Variants in CCDC83 observed in about 807,000 individuals in gnomAD.
CCDC83 encodes coiled-coil domain containing 83.
CCDC83 carries 54 observed loss-of-function variants against 50.1 expected under a neutral mutation model. The ratio of observed to expected loss-of-function variants is 1.08; its 90% confidence interval spans 0.87 to 1.35. The LOEUF is 1.35. CCDC83 is among the 40% of genes most tolerant of loss of function. The pLI is 0.00. For synonymous variants in CCDC83, 161 were observed against 153.3 expected, an observed-to-expected ratio of 1.05 and a Z score of -0.37; for missense variants, 518 against 473.9, an observed-to-expected ratio of 1.09 and a Z score of -0.86.
intron 1 of CCDC83, among the ~76,000 whole-genome samples, chr11:85,861,586 C>A (rs1216424945): frequency 6.6e-6 from 1 of 152,160 alleles, no homozygotes; most frequent in Non-Finnish European, 1.5e-5. Flanking sequence ...AGCTATCAAA[C>A]CTCAAACTCC....
intron 10 of CCDC83, among the ~76,000 whole-genome samples, chr11:85,917,220 A>AAG (rs1342238166): frequency 6.9e-6 from 1 of 145,720 alleles, no homozygotes; most frequent in South Asian, 2.2e-4. Flanking sequence ...GAAAGAAAGA[A>AAG]AGAAAGAAAG....
chr11:85,877,058 C>T (rs2093273401), intron 3 of CCDC83, among the ~76,000 whole-genome samples: 1 of 152,168 alleles, frequency 6.6e-6, no homozygotes, highest in African/African-American at 2.4e-5. Context: ...ATTTTTGAGA[C>T]ATTGAATTCT....
chr11:85,872,178 C>A (rs1303853830), intron 2 of CCDC83, among the ~76,000 whole-genome samples: 4 of 152,090 alleles, frequency 2.6e-5, no homozygotes, highest in Non-Finnish European at 5.9e-5. Context: ...GTCTGGAACT[C>A]CTGTCCTCAA....
chr11:85,908,660 C>T (rs2093437562), intron 7 of CCDC83, among the ~76,000 whole-genome samples: 2 of 151,620 alleles, frequency 1.3e-5, no homozygotes, highest in African/African-American at 4.8e-5. Flanking sequence ...CCCAGCACTT[C>T]GGGAGGCCGA....
chr11:85,894,395 A>G (rs1191511737), intron 5 of CCDC83, among the ~76,000 whole-genome samples: 2 of 152,222 alleles, frequency 1.3e-5, no homozygotes, highest in Non-Finnish European at 2.9e-5. Context: ...ATGGGAACAT[A>G]TAACACAGAA....
At chr11:85,896,371 A>ACT (rs1361691665) in intron 6 of CCDC83, among the ~76,000 whole-genome samples, 1 of 138,494 alleles carries the variant, frequency 7.2e-6, no homozygotes, top group African/African-American at 2.7e-5. Context: ...ACTGCACTCC[A>ACT]GCATGGGCAA....
intron 2 of CCDC83, among the ~76,000 whole-genome samples, chr11:85,869,130 A>G (rs957363299): frequency 3.9e-5 from 6 of 152,254 alleles, no homozygotes; most frequent in Non-Finnish European, 7.3e-5. Flanking sequence ...GCCCACCAAT[A>G]AACAAGCTCT....
chr11:85,917,399 A>G (rs2093487472), intron 10 of CCDC83, among the ~76,000 whole-genome samples: 1 of 152,190 alleles, frequency 6.6e-6, no homozygotes, highest in South Asian at 2.1e-4. Flanking sequence ...GTTCCATCCA[A>G]GGGGAAGGAA....
intron 5 of CCDC83, 111 bp downstream of exon 5, chr11:85,886,478 A>G: frequency 1.2e-6 from 1 of 815,116 alleles, no homozygotes; most frequent in Non-Finnish European, 1.8e-6. Context: ...CTCTGCTGTC[A>G]GCACAAGCAG....
At chr11:85,867,885 GA>G (rs2093216576) in intron 2 of CCDC83, among the ~76,000 whole-genome samples, 1 of 152,138 alleles carries the variant, frequency 6.6e-6, no homozygotes, top group Non-Finnish European at 1.5e-5. Flanking sequence ...TCATGGACTG[GA>G]ACAGCCAAGG....
chr11:85,908,551 TTAGA>T (rs58433339), intron 7 of CCDC83, among the ~76,000 whole-genome samples: 39,428 of 137,248 alleles, frequency 0.29, 5,765 homozygotes, highest in Middle Eastern at 0.34. Context: ...GACTAGATGA[TTAGA>T]TAGATAGATA....
At chr11:85,910,662 G>C (rs1440126873) in intron 7 of CCDC83, among the ~76,000 whole-genome samples, 1 of 152,180 alleles carries the variant, frequency 6.6e-6, no homozygotes, top group East Asian at 1.9e-4. Context: ...TTATACCTAA[G>C]TTCAGCAGTG....
chr11:85,872,577 T>C (rs1474847056), intron 2 of CCDC83, among the ~76,000 whole-genome samples: 2 of 152,154 alleles, frequency 1.3e-5, no homozygotes, highest in Admixed American at 6.5e-5. Context: ...CCACCATGCC[T>C]GGCACATGTT....
intron 7 of CCDC83, among the ~76,000 whole-genome samples, chr11:85,909,617 T>A (rs2093443621): frequency 1.8e-5 from 2 of 113,822 alleles, no homozygotes; most frequent in African/African-American, 7.3e-5. Context: ...CACTTTTTTT[T>A]TTTTTTTTTT....
chr11:85,865,521 C>G (rs1316950635), intron 2 of CCDC83, among the ~76,000 whole-genome samples: 1 of 152,182 alleles, frequency 6.6e-6, no homozygotes, highest in Non-Finnish European at 1.5e-5. Context: ...ATTGGTTACT[C>G]TCACCTATGT....
chr11:85,869,798 T>G (rs770907702), intron 2 of CCDC83, among the ~76,000 whole-genome samples: 2 of 152,226 alleles, frequency 1.3e-5, no homozygotes, highest in East Asian at 1.9e-4. Flanking sequence ...GTCCCCATAA[T>G]AGTGTTGAGT....
At chr11:85,888,315 ATTT>A (rs2093336477) in intron 5 of CCDC83, among the ~76,000 whole-genome samples, 1 of 152,118 alleles carries the variant, frequency 6.6e-6, no homozygotes, top group African/African-American at 2.4e-5. Flanking sequence ...TGGTATCCAA[ATTT>A]TTGTTCTTTG....
chr11:85,898,375 T>C (rs767367882), intron 6 of CCDC83, among the ~76,000 whole-genome samples: 16 of 152,210 alleles, frequency 1.1e-4, no homozygotes, highest in Non-Finnish European at 1.9e-4. Flanking sequence ...TCAATATCTA[T>C]GTAATTGAAA....
intron 6 of CCDC83, among the ~76,000 whole-genome samples, chr11:85,898,686 G>A (rs1414825216): frequency 7.2e-5 from 11 of 152,142 alleles, no homozygotes; most frequent in East Asian, 1.9e-4. Context: ...AGTCAGATTC[G>A]GTCACAATGG....
Sources: gnomAD v4.1 joint callset for allele counts (sites outside exome capture counted in the v4.1 genomes callset) on GRCh38, gnomAD v4.1.1 for gene constraint, MANE v1.5 for transcripts, NCBI Gene and HGNC (gene_info 2026-07-23, HGNC 2026-07-21) for gene names.